PCDHGA10: variants seen among roughly 807,000 people sequenced by gnomAD.
PCDHGA10 encodes the protein protocadherin gamma-A10.
PCDHGA10 carries 42 observed loss-of-function variants against 59.5 expected under a neutral mutation model. The ratio of observed to expected loss-of-function variants is 0.71; its 90% CI spans 0.55 to 0.91. The LOEUF is 0.91. Ranked by LOEUF, PCDHGA10 falls within the 40% of genes least tolerant of loss-of-function variation. The pLI, the probability that PCDHGA10 is intolerant of heterozygous loss-of-function variation, is 0.00. For synonymous variants in PCDHGA10, 511 were observed against 517.2 expected, an observed-to-expected ratio of 0.99 and a Z score of 0.16; for missense variants, 1,111 against 1,198.2, an observed-to-expected ratio of 0.93 and a Z score of 1.07.
At chr5:141,436,384 CT>C (rs768914860) in intron 1 of PCDHGA10, among the ~76,000 whole-genome samples, 1 of 152,104 alleles carries the variant, frequency 6.6e-6, no homozygotes, top group Non-Finnish European at 1.5e-5. Context: ...GCTGAATAGG[CT>C]TTATTAAATA....
intron 1 of PCDHGA10, chr5:141,417,766 C>G: frequency 6.9e-7 from 1 of 1,442,472 alleles, no homozygotes; most frequent in Non-Finnish European, 9.1e-7. Flanking sequence ...AGACCCGGGA[C>G]TCCTCCTGTC....
chr5:141,466,494 G>C (rs1186331329), intron 1 of PCDHGA10, among the ~76,000 whole-genome samples: 4 of 152,134 alleles, frequency 2.6e-5, no homozygotes. Context: ...TCTTTAATTA[G>C]AGCACAGACA....
chr5:141,508,269 C>T (rs1459186158), intron 3 of PCDHGA10: 1 of 152,186 alleles, frequency 6.6e-6, no homozygotes, highest in East Asian at 1.9e-4. Flanking sequence ...GAGAAAATCC[C>T]GGTCCTTGAC....
At chr5:141,455,920 C>T (rs941360102) in intron 1 of PCDHGA10, among the ~76,000 whole-genome samples, 1 of 147,944 alleles carries the variant, frequency 6.8e-6, no homozygotes, top group Non-Finnish European at 1.5e-5. Context: ...TATTTTGAGA[C>T]GGAGTCTCGC....
In PCDHGA10 at chr5:141,489,180, CTGGGTCTACCT is replaced by C. The variant is rs906371381; in HGVS notation, c.2437-5623_2437-5613del. 6.3e-5 allele frequency: 79 copies of C among 1,259,748 alleles called. No individual in the cohort carries two copies. The African/African-American group carries it at 9.3e-4, about 15-fold the overall frequency. 78.0% of individuals were successfully genotyped at this position (1,259,748 alleles called of 1,614,324 possible). ...GACTTCAGCTGCTGCATTCCAAGCCCTGGGTCTACCTTGGAGACAGGACAGCACAGACTTAC... is the reference window on the plus strand; with the variant it reads ...GACTTCAGCTGCTGCATTCCAAGCCCTGGAGACAGGACAGCACAGACTTAC... On this transcript the variant is annotated intron_variant, in intron 1 of 3. Coordinates refer to ENST00000398610, the MANE Select transcript of PCDHGA10 (RefSeq NM_018913.3). This position sits in a 1 kb window ranked among gnomAD's most constrained non-coding sequence, Gnocchi z 4.5.
Position 141,489,555 on chromosome 5 carries a change from A to G in PCDHGA10, c.2437-5252A>G, listed in dbSNP as rs909307566. ...GAGCCAGCACCAGCTGCCTGCTGCC[A>G]GTGCAGGTGGTGACTGAACACCCCC... is the stretch of plus-strand genomic sequence containing the variant. On this transcript the variant is annotated intron_variant, in intron 1 of 3. Transcript: ENST00000398610. The surrounding 1 kb of genome is among the most constrained non-coding windows in gnomAD (Gnocchi z 4.5). 2.5e-6 allele frequency: 4 copies of G among 1,613,998 alleles called. No homozygotes were observed. The African/African-American group carries it at 5.3e-5, about 22-fold the overall frequency.
intron 1 of PCDHGA10, chr5:141,423,595 G>A: frequency 6.2e-7 from 1 of 1,613,216 alleles, no homozygotes; most frequent in Non-Finnish European, 8.5e-7. Flanking sequence ...TGAGAAAAGC[G>A]AGCCACTCTT....
In PCDHGA10 at chr5:141,432,856, G is replaced by C; in HGVS notation, c.2436+17245G>C. 1 of 1,614,142 alleles carries C rather than the reference G, an allele frequency of 6.2e-7. No homozygotes were observed. The highest frequency in any genetic ancestry group is 1.7e-5 in the Admixed American group (1 of 60,030). On this transcript the variant is annotated intron_variant, in intron 1 of 3. Coordinates refer to ENST00000398610, the MANE Select transcript of PCDHGA10 (RefSeq NM_018913.3). This position sits in a 1 kb window ranked among gnomAD's most constrained non-coding sequence, Gnocchi z 6.0. Reference sequence around the variant, plus strand: ...TGTACCTGGTGGTAGCGGTGGCCGCGGTCTCCTGCGTCTTCCTGGCCTTCG... The same window carrying C: ...TGTACCTGGTGGTAGCGGTGGCCGCCGTCTCCTGCGTCTTCCTGGCCTTCG...
rs1562131721 is a variant in PCDHGA10, at chr5:141,489,636, C to CGAGA, written c.2437-5171_2437-5170insGAGA. 10 of 1,614,074 alleles carry CGAGA rather than the reference C, an allele frequency of 6.2e-6. No individual in the cohort carries two copies. The highest frequency in any genetic ancestry group is 2.7e-5 in the African/African-American group (2 of 74,930). On this transcript the variant is annotated intron_variant, in intron 1 of 3. Coordinates refer to ENST00000398610, the MANE Select transcript of PCDHGA10 (RefSeq NM_018913.3). This position sits in a 1 kb window ranked among gnomAD's most constrained non-coding sequence, Gnocchi z 4.5. ...TGGATCTCAATGACAACTCTCCTAG[C>CGAGA]TTTGCCACCCCTGAGCGAGAGATGC...
intron 1 of PCDHGA10, chr5:141,423,296 T>G (rs771340929): frequency 6.2e-7 from 1 of 1,614,124 alleles, no homozygotes; most frequent in Non-Finnish European, 8.5e-7. Context: ...ACCTCAGACC[T>G]CTCGCTGTAC....
At chr5:141,500,789 C>G (rs1006758925) in intron 2 of PCDHGA10, among the ~76,000 whole-genome samples, 2 of 152,142 alleles carry the variant, frequency 1.3e-5, no homozygotes, top group African/African-American at 4.8e-5. Flanking sequence ...TATTATTTTA[C>G]AGAATAAGTC....
intron 1 of PCDHGA10, among the ~76,000 whole-genome samples, chr5:141,462,337 T>C (rs1053544147): frequency 6.6e-6 from 1 of 152,260 alleles, no homozygotes; most frequent in Non-Finnish European, 1.5e-5. Context: ...TTAATTGTAT[T>C]GTGATCCAAA....
intron 2 of PCDHGA10, among the ~76,000 whole-genome samples, chr5:141,500,695 T>G (rs1214079801): frequency 1.3e-5 from 2 of 152,214 alleles, no homozygotes; most frequent in Admixed American, 6.5e-5. Flanking sequence ...TTTTTCTTCT[T>G]TGCAGTGTAT....
At chr5:141,420,546 G>A in intron 1 of PCDHGA10, 1 of 284,254 alleles carries the variant, frequency 3.5e-6, no homozygotes, top group South Asian at 1.2e-4. Context: ...ATAAAATACA[G>A]GTATATTTTT....
At chr5:141,421,921 G>T in intron 1 of PCDHGA10, 1 of 1,613,644 alleles carries the variant, frequency 6.2e-7, no homozygotes, top group Non-Finnish European at 8.5e-7. Context: ...CATTCGTGTG[G>T]TGGTCCTCGA....
intron 1 of PCDHGA10, chr5:141,417,591 C>T (rs1287721863): frequency 2.1e-6 from 1 of 484,478 alleles, no homozygotes; most frequent in East Asian, 3.4e-5. Context: ...CACAGAGCCT[C>T]TGGGCGCCGC....
At chr5:141,496,178 C>T (rs1481326898) in intron 2 of PCDHGA10, among the ~76,000 whole-genome samples, 2 of 152,080 alleles carry the variant, frequency 1.3e-5, no homozygotes, top group Admixed American at 1.3e-4. Flanking sequence ...CCCATCCAAG[C>T]AGCCCCAGCT....
Position 141,413,776 on chromosome 5 carries a change from G to A in PCDHGA10, c.601G>A (p.Glu201Lys). 6.2e-7 allele frequency: 1 copy of A among 1,613,188 alleles called. No individual in the cohort carries two copies. Among genetic ancestry groups the A allele is most frequent in the Non-Finnish European group, 8.5e-7 (1 of 1,179,896 alleles). ...NGVKYPELVL[E>K]HSLDREEEAI... ...CGTCAAGTACCCGGAGCTGGTACTG[G>A]AGCACTCCCTAGATCGCGAGGAAGA... The change falls in exon 1 of 4, where the codon GAG (glutamate) becomes AAG (lysine). Residue 201 changes from glutamate to lysine, a missense_variant. Glu to Lys is a moderately conservative substitution (Grantham distance 56). Transcript: ENST00000398610.
At chr5:141,438,635 TACAC>T (rs56854727) in intron 1 of PCDHGA10, among the ~76,000 whole-genome samples, 720 of 33,094 alleles carry the variant, frequency 0.022, 7 homozygotes, top group Middle Eastern at 0.05. Context: ...TATATATATA[TACAC>T]ACACACACAC....
Sources: allele counts gnomAD v4.1 joint callset (sites outside exome capture counted in the v4.1 genomes callset), GRCh38; gene constraint gnomAD v4.1.1; non-coding constraint Gnocchi (gnomAD v3.1); transcripts MANE v1.5; gene names NCBI Gene and HGNC (gene_info 2026-07-23, HGNC 2026-07-21).